The following MACF1 variants were observed in gnomAD, a reference collection of about 807,000 sequenced individuals.
The protein encoded by MACF1 is microtubule-actin cross-linking factor 1.
In MACF1, 193 loss-of-function variants were observed where a neutral mutation model predicts 854.8. The ratio of observed to expected loss-of-function variants is 0.23; its 90% CI spans 0.20 to 0.25. The LOEUF (loss-of-function observed/expected upper bound fraction) is 0.25. Ranked by LOEUF, MACF1 falls within the 10% of genes least tolerant of loss-of-function variation. The pLI is 1.00. For missense variants in MACF1, 7,722 were observed against 8,929.1 expected (o/e 0.86, Z 5.45); for synonymous variants, 3,185 against 3,226.7 (o/e 0.99, Z 0.44).
intron 82 of MACF1, 52 bp downstream of exon 82, chr1:39,447,950 T>C (rs1259701387): frequency 6.2e-7 from 1 of 1,611,198 alleles, no homozygotes. Context: ...GGGCTGCATG[T>C]ATTGAGTCTC....
chr1:39,120,848 C>T (rs1642686227), intron 2 of MACF1: 1 of 152,286 alleles, frequency 6.6e-6, no homozygotes, highest in South Asian at 2.1e-4. Flanking sequence ...TAATTACACT[C>T]TAAGTTATTT....
At chr1:39,396,988 G>A (rs758310387) in intron 58 of MACF1, among the ~76,000 whole-genome samples, 12 of 152,136 alleles carry the variant, frequency 7.9e-5, no homozygotes, top group African/African-American at 1.9e-4. Context: ...TCTCTAGGAC[G>A]TCATAAACTA....
intron 2 of MACF1, among the ~76,000 whole-genome samples, chr1:39,238,610 GT>G (rs1644886094): frequency 6.6e-6 from 1 of 152,194 alleles, no homozygotes; most frequent in African/African-American, 2.4e-5. Flanking sequence ...CTGCCTGTTT[GT>G]AGCTGATGCT....
At chr1:39,416,887 A>G (rs183014755) in intron 58 of MACF1, among the ~76,000 whole-genome samples, 65 of 152,356 alleles carry the variant, frequency 4.3e-4, no homozygotes, top group Non-Finnish European at 7.5e-4. Flanking sequence ...ACCAGCAAGA[A>G]TGTAGAGAGG....
chr1:39,245,352 C>T (rs748085037), intron 2 of MACF1, among the ~76,000 whole-genome samples: 5 of 152,102 alleles, frequency 3.3e-5, no homozygotes, highest in Admixed American at 6.6e-5. Flanking sequence ...TGCAGTGGTG[C>T]GATCTTGGCT....
At chr1:39,466,837 A>T (rs1351288873) in intron 95 of MACF1, among the ~76,000 whole-genome samples, 1 of 152,242 alleles carries the variant, frequency 6.6e-6, no homozygotes, top group Admixed American at 6.5e-5. Flanking sequence ...ATTGTATCAG[A>T]TGAAAGGTGT....
intron 58 of MACF1, among the ~76,000 whole-genome samples, chr1:39,415,217 T>A (rs1643243538): frequency 6.6e-6 from 1 of 152,234 alleles, no homozygotes; most frequent in Non-Finnish European, 1.5e-5. Flanking sequence ...TTTGTCAAAC[T>A]GCCTTTGTGT....
At chr1:39,466,438 A>C (rs1447602945) in intron 95 of MACF1, among the ~76,000 whole-genome samples, 1 of 152,218 alleles carries the variant, frequency 6.6e-6, no homozygotes, top group East Asian at 1.9e-4. Flanking sequence ...GTGTGAAATT[A>C]AGGTTGGGGG....
intron 2 of MACF1, among the ~76,000 whole-genome samples, chr1:39,156,216 C>A (rs2148202378): frequency 6.6e-6 from 1 of 151,550 alleles, no homozygotes; most frequent in East Asian, 2.0e-4. Flanking sequence ...ACCATGTTGG[C>A]CAGGCTGGTC....
At chr1:39,102,193 AAGAGAG>A (rs61576279) in intron 2 of MACF1, among the ~76,000 whole-genome samples, 143 of 148,196 alleles carry the variant, frequency 9.6e-4, no homozygotes, top group Middle Eastern at 3.4e-3. Flanking sequence ...AAGAAAAAGA[AAGAGAG>A]AGAGAGAGAG....
At chr1:39,341,125 C>T (rs1646927062) in intron 40 of MACF1, among the ~76,000 whole-genome samples, 172 bp downstream of exon 40, 1 of 151,658 alleles carries the variant, frequency 6.6e-6, no homozygotes, top group African/African-American at 2.4e-5. Context: ...CCTCCGCCTC[C>T]TGGGTTCAAG....
chr1:39,282,223 A>C lies in MACF1; in HGVS notation c.544A>C (p.Ile182Leu). Residue 182 changes from isoleucine to leucine, a missense_variant, in exon 7 of 101, where the codon ATT becomes CTT. Physicochemically the swap from Ile to Leu is conservative, Grantham distance 5. This residue lies in a region of MACF1 where 108 missense variants were observed against 196.4 expected (regional missense o/e 0.55). Coordinates refer to ENST00000564288, the MANE Select transcript of MACF1 (RefSeq NM_001394062.1). ...CTTTTGGCAGATCTCTGACATCTAC[A>C]TTAGTGGAGAATCAGGGGATATGTC... ...ILHFQISDIY[I>L]SGESGDMSAK... The C allele has an allele frequency of 6.2e-7, 1 of 1,613,918 alleles. No individual in the cohort carries two copies. The highest frequency in any genetic ancestry group is 8.5e-7 in the Non-Finnish European group (1 of 1,179,866).
intron 58 of MACF1, among the ~76,000 whole-genome samples, chr1:39,391,356 A>G (rs1338340232): frequency 6.6e-6 from 1 of 152,078 alleles, no homozygotes; most frequent in Non-Finnish European, 1.5e-5. Flanking sequence ...TTTGATTTCT[A>G]TATTGAAGTT....
chr1:39,315,160 A>C (rs1646386391), intron 26 of MACF1, among the ~76,000 whole-genome samples: 1 of 152,048 alleles, frequency 6.6e-6, no homozygotes, highest in Admixed American at 6.6e-5. Flanking sequence ...TTTTCATCTC[A>C]TTAGTTTCTG....
chr1:39,406,383 C>T (rs140546602), intron 58 of MACF1, among the ~76,000 whole-genome samples: 33 of 152,180 alleles, frequency 2.2e-4, no homozygotes, highest in Non-Finnish European at 8.8e-5. Context: ...TTGGTTGATA[C>T]CTGACTTGGT....
chr1:39,407,432 C>G (rs574771986), intron 58 of MACF1, among the ~76,000 whole-genome samples: 25 of 152,302 alleles, frequency 1.6e-4, no homozygotes, highest in Non-Finnish European at 2.4e-4. Flanking sequence ...GATTCTGGGG[C>G]AGTGCCTTTA....
chr1:39,242,884 C>A (rs912070341), intron 2 of MACF1, among the ~76,000 whole-genome samples: 1 of 152,136 alleles, frequency 6.6e-6, no homozygotes. Flanking sequence ...ATCTTGCCCC[C>A]GCAACCCCTG....
chr1:39,232,758 TTTTTTTTTTTG>T (rs1260476184), intron 2 of MACF1, among the ~76,000 whole-genome samples: 275 of 143,004 alleles, frequency 1.9e-3, no homozygotes, highest in African/African-American at 6.6e-3. Flanking sequence ...TTTTTTTTTT[TTTTTTTTTTTG>T]TTTGTTTGTT....
chr1:39,133,503 T>C (rs1643066880), intron 2 of MACF1, among the ~76,000 whole-genome samples: 1 of 152,144 alleles, frequency 6.6e-6, no homozygotes, highest in Non-Finnish European at 1.5e-5. Flanking sequence ...TTTCTTCTCT[T>C]TTCTCCTTCC....
Sources: gnomAD v4.1 joint callset for allele counts (sites outside exome capture counted in the v4.1 genomes callset) on GRCh38, gnomAD v4.1.1 for gene constraint, gnomAD v4.1.1 regional missense constraint, MANE v1.5 for transcripts, NCBI Gene and HGNC (gene_info 2026-07-23, HGNC 2026-07-21) for gene names.